MDN1: variants seen among roughly 807,000 people sequenced by gnomAD.
The protein encoded by MDN1 is midasin.
MDN1 carries 266 observed loss-of-function variants against 669.2 expected under a neutral mutation model. That is an observed-to-expected ratio of 0.40 (90% confidence interval 0.36 to 0.44). The LOEUF is 0.44. Among genes scored for constraint, MDN1 ranks in the 20% least tolerant of loss-of-function variants. MDN1 has a pLI of 1.00. For synonymous variants in MDN1, 2,385 were observed against 2,457.1 expected, an observed-to-expected ratio of 0.97 and a Z score of 0.87; for missense variants, 5,940 against 6,754.0, an observed-to-expected ratio of 0.88 and a Z score of 4.22.
chr6:89,816,767 C>G (rs184107133), intron 1 of MDN1, among the ~76,000 whole-genome samples: 43 of 151,216 alleles, frequency 2.8e-4, no homozygotes, highest in Middle Eastern at 3.4e-3. Flanking sequence ...TTCCACCTCC[C>G]GGGTTCACGC....
At chr6:89,697,389 T>C (rs533394913) in intron 59 of MDN1, among the ~76,000 whole-genome samples, 7 of 152,146 alleles carry the variant, frequency 4.6e-5, no homozygotes, top group Non-Finnish European at 8.8e-5. Flanking sequence ...TTTAAAAGCA[T>C]GACACTAAAG....
At chr6:89,656,924 C>T in intron 90 of MDN1, 123 bp from the exon 91 acceptor site, 1 of 761,648 alleles carries the variant, frequency 1.3e-6, no homozygotes, top group Non-Finnish European at 2.1e-6. Context: ...ATAATCACTC[C>T]TGCCTACCTG....
intron 40 of MDN1, 126 bp from the exon 41 acceptor site, chr6:89,719,351 C>G: frequency 1.4e-6 from 1 of 715,214 alleles, no homozygotes; most frequent in Non-Finnish European, 2.4e-6. Flanking sequence ...ATTCCCTTAT[C>G]CTTTTGAATT....
At chr6:89,682,716 A>AAAAAAAAAAAC (rs1811716623) in intron 73 of MDN1, among the ~76,000 whole-genome samples, 3 of 145,618 alleles carry the variant, frequency 2.1e-5, no homozygotes, top group Non-Finnish European at 4.5e-5. Flanking sequence ...AAAAAAAAAA[A>AAAAAAAAAAAC]AAAAAAAAAA....
Position 89,687,432 on chromosome 6 carries a change from C to T in MDN1, c.11362G>A (p.Glu3788Lys), listed in dbSNP as rs766485370. 21 of 1,613,466 alleles carry T rather than the reference C, an allele frequency of 1.3e-5. No individual in the cohort carries two copies. The Admixed American group carries it at 2.2e-4, about 17-fold the overall frequency. ...GACAAAGCTCGACTTGCATTTTCCTCCCAATCCTAAAGAAACAAAGATAAA... is the reference window on the plus strand; with the variant it reads ...GACAAAGCTCGACTTGCATTTTCCTTCCAATCCTAAAGAAACAAAGATAAA... ...EILLAKAQDW[E>K]ENASRALSLR... Residue 3788 changes from glutamate (E) to lysine (K), a missense_variant, in exon 68 of 102, where the codon GAG becomes AAG. Glu to Lys is a moderately conservative substitution (Grantham distance 56, BLOSUM62 1). Around this residue, in one of 5 missense-constraint regions of MDN1, gnomAD observed 2,280 missense variants for 2,576.3 expected, o/e 0.88. Transcript: ENST00000369393.
rs890660957 is a variant in MDN1 at position 89,649,505 on chromosome 6, A to G, written c.16206+519T>C. On this transcript the variant is annotated intron_variant, in intron 97 of 101. Transcript: ENST00000369393. ...AAACAAACACTCTTTGGCATCTGTAATGGTGGTATAAGTAATTCTATTAAG... is the reference window on the plus strand; with the variant it reads ...AAACAAACACTCTTTGGCATCTGTAGTGGTGGTATAAGTAATTCTATTAAG... Among the ~76,000 whole-genome samples the G allele has an allele frequency of 2.0e-5, 3 of 152,364 alleles. No individual in the cohort carries two copies. In the East Asian group the frequency reaches 5.8e-4, roughly 29 times the overall value.
chr6:89,771,427 G>A, intron 15 of MDN1, 134 bp downstream of exon 15: 2 of 732,474 alleles, frequency 2.7e-6, no homozygotes, highest in Non-Finnish European at 2.2e-6. Context: ...CTCCAATAAA[G>A]CCTTATCTGA....
rs1246767733 is a variant in MDN1, at chr6:89,662,941, C to G, written c.14263G>C (p.Glu4755Gln). 2 of 1,614,000 alleles carry G rather than the reference C, an allele frequency of 1.2e-6. No individual in the cohort carries two copies. The highest frequency in any genetic ancestry group is 1.1e-5 in the South Asian group (1 of 91,080). Reference protein sequence around the residue: ...QEEDDEKSDSEGGDLDKHMGD... With the variant: ...QEEDDEKSDSQGGDLDKHMGD... ...ATGTGTTTATCCAGGTCTCCGCCCT[C>G]ACTATCTGATTTCTCATCATCCTCT... Residue 4755 changes from glutamate (E) to glutamine (Q), a missense_variant, in exon 86 of 102, where the codon GAG becomes CAG. Physicochemically the swap from Glu to Gln is conservative, Grantham distance 29 (BLOSUM62 2). Transcript: ENST00000369393.
chr6:89,739,985 C>G (rs916570363), intron 32 of MDN1, among the ~76,000 whole-genome samples: 30 of 152,148 alleles, frequency 2.0e-4, no homozygotes, highest in African/African-American at 6.8e-4. Context: ...ATGTAAAGGG[C>G]TAGGCAAAGT....
At position 89,793,778 on chromosome 6, in the gene MDN1, G is replaced by A. The variant is rs752259870; in HGVS notation, c.839C>T (p.Pro280Leu). 6.2e-7 allele frequency: 1 copy of A among 1,613,764 alleles called. No individual in the cohort carries two copies. The highest frequency in any genetic ancestry group is 8.5e-7 in the Non-Finnish European group (1 of 1,179,886). ...VCGVVLPGQLPAPGELGGNRS... is the reference protein window; with the variant it reads ...VCGVVLPGQLLAPGELGGNRS... The stretch of plus-strand genomic sequence containing the variant: ...CCAACATACCAGCTCTCCAGGGGCT[G>A]GCAGCTGCCCAGGCAGCACCACACC... Residue 280 changes from proline (P) to leucine (L), a missense_variant, in exon 5 of 102, where the codon CCA (proline) becomes CTA (leucine). This residue lies in a region of MDN1 where 1,203 missense variants were observed against 1,268.9 expected (regional missense o/e 0.95). Transcript: ENST00000369393.
At chr6:89,684,749 G>C (rs916779563) in intron 71 of MDN1, 127 bp downstream of exon 71, 4 of 585,496 alleles carry the variant, frequency 6.8e-6, no homozygotes, top group Admixed American at 3.1e-5. Flanking sequence ...ATCCTCCCTA[G>C]CGGTGGCAAT....
At chr6:89,809,527 G>C (rs1220698453) in intron 1 of MDN1, among the ~76,000 whole-genome samples, 1 of 151,780 alleles carries the variant, frequency 6.6e-6, no homozygotes, top group Non-Finnish European at 1.5e-5. Context: ...TGTAATCCCA[G>C]AACTTTGGGA....
At chr6:89,772,051 C>T (rs1295805904) in intron 14 of MDN1, among the ~76,000 whole-genome samples, 1 of 152,074 alleles carries the variant, frequency 6.6e-6, no homozygotes. Flanking sequence ...ATCATGAGAG[C>T]CCAGAAGTTG....
rs764673521 is a variant in MDN1, at chr6:89,754,235, AAATAG to A, written c.2817-10_2817-6del. 12 of 1,611,272 alleles carry A rather than the reference AAATAG, an allele frequency of 7.4e-6. No individual in the cohort carries two copies. In the African/African-American group the frequency reaches 1.5e-4, roughly 20 times the overall value. On this transcript the variant is annotated splice_region_variant and splice_polypyrimidine_tract_variant and intron_variant, in intron 20 of 101. Coordinates refer to ENST00000369393, the MANE Select transcript of MDN1 (RefSeq NM_014611.3). ...TTCCGCAAAGCTGTGTAGAAGCTAC[AAATAG>A]AATAAAGGTCAGGCAATTTTATTTA...
intron 99 of MDN1, among the ~76,000 whole-genome samples, chr6:89,646,859 GATCTC>G (rs1450525142): frequency 6.6e-6 from 1 of 152,120 alleles, no homozygotes; most frequent in African/African-American, 2.4e-5. Flanking sequence ...GTAGTGGCAC[GATCTC>G]ATCTCACTGC....
Position 89,729,150 on chromosome 6 carries a change from G to A in MDN1, c.5141-11C>T. 3 of 1,604,694 alleles carry A rather than the reference G, an allele frequency of 1.9e-6. No homozygotes were observed. The highest frequency in any genetic ancestry group is 2.6e-6 in the Non-Finnish European group (3 of 1,176,228). ...TGTGTAGGACAGGTCCTTAAGTGGA[G>A]AAAAGTAAAGTCATGTATAAGCGGG... On this transcript the variant is annotated splice_polypyrimidine_tract_variant and intron_variant, in intron 35 of 101. Transcript: ENST00000369393.
rs186857701 is a variant in MDN1, at chr6:89,709,665, G to C, written c.7765+1016C>G. Among the ~76,000 whole-genome samples, 136 of 152,306 alleles carry C rather than the reference G, an allele frequency of 8.9e-4. 1 individual carries two copies. The East Asian group carries it at 0.016, about 18-fold the overall frequency. On this transcript the variant is annotated intron_variant, in intron 50 of 101. Transcript: ENST00000369393. ...TATTTTCTTCTAAACCAAATGGCCAGTGGTATATTTTGATCAACATCAAAT... is the reference window on the plus strand; with the variant it reads ...TATTTTCTTCTAAACCAAATGGCCACTGGTATATTTTGATCAACATCAAAT...
chr6:89,811,733 C>T (rs917547572), intron 1 of MDN1, among the ~76,000 whole-genome samples: 17 of 151,980 alleles, frequency 1.1e-4, no homozygotes, highest in African/African-American at 1.9e-4. Context: ...TGTGAGCCAC[C>T]GCAACCAGCC....
chr6:89,799,711 A>G (rs979764415), intron 2 of MDN1, among the ~76,000 whole-genome samples: 4 of 152,184 alleles, frequency 2.6e-5, no homozygotes, highest in Non-Finnish European at 4.4e-5. Context: ...GAAATAGTAA[A>G]GGTGATCAGT....
Sources: allele counts gnomAD v4.1 joint callset (sites outside exome capture counted in the v4.1 genomes callset), GRCh38; gene constraint gnomAD v4.1.1; regional missense constraint gnomAD v4.1.1; transcripts MANE v1.5; gene names NCBI Gene and HGNC (gene_info 2026-07-23, HGNC 2026-07-21).